Variants in CREB3L2 observed in about 807,000 individuals in gnomAD.
The protein encoded by CREB3L2 is cAMP responsive element binding protein 3 like 2, also known as cyclic AMP-responsive element-binding protein 3-like protein 2.
CREB3L2 carries 23 observed loss-of-function variants against 57.2 expected under a neutral mutation model. The ratio of observed to expected loss-of-function variants is 0.40; its 90% CI spans 0.29 to 0.57. CREB3L2 has a LOEUF of 0.57. CREB3L2 is among the 20% of genes least tolerant of loss of function. The probability of loss-of-function intolerance (pLI) is 0.42; values close to 1 mark genes in which losing one functional copy is unlikely to be tolerated. For synonymous variants in CREB3L2, 268 were observed against 265.1 expected (o/e 1.01, Z -0.11); for missense variants, 628 against 634.7 (o/e 0.99, Z 0.11).
chr7:137,892,347 TAA>T (rs779212071), intron 8 of CREB3L2, among the ~76,000 whole-genome samples: 6 of 133,342 alleles, frequency 4.5e-5, no homozygotes, highest in Non-Finnish European at 3.3e-5. Flanking sequence ...TGCACACAAT[TAA>T]AAAAAAAAAA....
At position 137,908,400 on chromosome 7, in the gene CREB3L2, G is replaced by A. The variant is rs1585613637; in HGVS notation, c.620C>T (p.Pro207Leu). The change falls in exon 5 of 12, where the codon CCG becomes CTG. Residue 207 changes from proline (P) to leucine (L), a missense_variant. Pro to Leu is a moderately conservative substitution (Grantham distance 98, BLOSUM62 -3). Coordinates refer to ENST00000330387, the MANE Select transcript of CREB3L2 (RefSeq NM_194071.4). ...CTCTGAGTCACTGCCGTGACTGCTC[G>A]GAGGGGTGGGCGGCAAATGCAGGTG... ...VDHLHLPPTP[P>L]SSHGSDSEGS... The A allele has an allele frequency of 6.3e-6, 8 of 1,266,240 alleles. No individual in the cohort carries two copies. The highest frequency in any genetic ancestry group is 1.5e-5 in the African/African-American group (1 of 64,580). 78.4% of individuals were successfully genotyped at this position (1,266,240 alleles called of 1,614,324 possible).
chr7:137,919,684 G>C (rs1185670722), intron 2 of CREB3L2, among the ~76,000 whole-genome samples: 1 of 152,082 alleles, frequency 6.6e-6, no homozygotes, highest in Non-Finnish European at 1.5e-5. Context: ...GCAAGAGAAA[G>C]GTTAAGTCAA....
intron 2 of CREB3L2, among the ~76,000 whole-genome samples, chr7:137,919,183 T>TG (rs1324638792): frequency 6.6e-6 from 1 of 151,976 alleles, no homozygotes; most frequent in Non-Finnish European, 1.5e-5. Context: ...ATCTTTTTTT[T>TG]TTTTTTTTGA....
intron 1 of CREB3L2, chr7:137,935,997 G>A (rs1311021897): frequency 1.1e-6 from 1 of 947,284 alleles, no homozygotes; most frequent in African/African-American, 1.8e-5. Context: ...AAGATCAGAG[G>A]TCACGAGGGT....
chr7:137,925,447 T>C (rs1319033045), intron 2 of CREB3L2, among the ~76,000 whole-genome samples: 2 of 152,218 alleles, frequency 1.3e-5, no homozygotes, highest in African/African-American at 4.8e-5. Flanking sequence ...ATTATCACCA[T>C]GCAGCAGATA....
intron 1 of CREB3L2, among the ~76,000 whole-genome samples, chr7:137,992,372 C>T (rs566535053): frequency 6.6e-6 from 1 of 152,136 alleles, no homozygotes; most frequent in Non-Finnish European, 1.5e-5. Flanking sequence ...CCAGGAATGA[C>T]CCATGAGCTC....
chr7:137,938,944 T>C (rs1800837446), intron 1 of CREB3L2, among the ~76,000 whole-genome samples: 1 of 152,170 alleles, frequency 6.6e-6, no homozygotes, highest in Non-Finnish European at 1.5e-5. Context: ...CACAAGTGGC[T>C]CCTGATAACA....
rs7799240 is a variant in CREB3L2, at chr7:138,001,155, G to C, written c.102+449C>G. 0.054 allele frequency among the ~76,000 whole-genome samples: 7,850 copies of C among 145,506 alleles called. 680 individuals carry two copies. The highest frequency in any genetic ancestry group is 0.19 in the African/African-American group (7,394 of 39,604). On this transcript the variant is annotated intron_variant, in intron 1 of 11. Coordinates refer to ENST00000330387, the MANE Select transcript of CREB3L2 (RefSeq NM_194071.4). This position sits in a 1 kb window ranked among gnomAD's most constrained non-coding sequence, Gnocchi z 4.2. The stretch of plus-strand genomic sequence containing the variant: ...TACTTTTTAAAATATAAATATGAAA[G>C]AAGAGGAAGGGAGGGAGAGAGGGAG...
chr7:137,948,708 A>T (rs1801043684), intron 1 of CREB3L2, among the ~76,000 whole-genome samples: 1 of 152,324 alleles, frequency 6.6e-6, no homozygotes, highest in South Asian at 2.1e-4. Context: ...CCACAGCATG[A>T]GTATTAGCAC....
chr7:137,993,135 A>G (rs951137870), intron 1 of CREB3L2, among the ~76,000 whole-genome samples: 7 of 152,240 alleles, frequency 4.6e-5, no homozygotes, highest in Admixed American at 1.3e-4. Context: ...GAATGATGTC[A>G]GACTCCTAAG....
chr7:137,878,826 C>T lies in CREB3L2; in HGVS notation c.*1650G>A, dbSNP rs963787631. The T allele has an allele frequency of 1.2e-4, 36 of 293,562 alleles. No individual in the cohort carries two copies. The highest frequency in any genetic ancestry group is 2.1e-4 in the Non-Finnish European group (32 of 155,374). The allele number at this position is 293,562 out of a possible 1,614,324, so 18.2% of individuals were successfully genotyped here. A position where few individuals can be genotyped will look rare whatever the true frequency, so the allele number is the denominator to read the frequency against. ...ACGACAAATGTTAATAACATCAAAT[C>T]CTGTACCTGATATGGAATGGAAGCC... On this transcript the variant is annotated 3_prime_UTR_variant, in exon 12 of 12. Coordinates refer to ENST00000330387, the MANE Select transcript of CREB3L2 (RefSeq NM_194071.4).
intron 1 of CREB3L2, among the ~76,000 whole-genome samples, chr7:137,984,460 C>T (rs1216820669): frequency 3.9e-5 from 6 of 152,240 alleles, no homozygotes; most frequent in African/African-American, 1.2e-4. Flanking sequence ...GTGAAGCAGT[C>T]ATCTTGTAGT....
rs560139789 is a variant in CREB3L2 at position 137,969,931 on chromosome 7, AAAAAG to A, written c.102+31668_102+31672del. ...CTCAGGTTTGAACTTTTTCAAAATA[AAAAAG>A]AAAAGAAATTATGAAATAGGCACAA... On this transcript the variant is annotated intron_variant, in intron 1 of 11. Transcript: ENST00000330387. Among the ~76,000 whole-genome samples, 464 of 152,352 alleles carry A rather than the reference AAAAAG, an allele frequency of 3.0e-3. 3 individuals carry two copies. The highest frequency in any genetic ancestry group is 5.0e-3 in the Non-Finnish European group (343 of 68,044).
At chr7:137,942,920 T>C (rs1183402743) in intron 1 of CREB3L2, among the ~76,000 whole-genome samples, 1 of 152,162 alleles carries the variant, frequency 6.6e-6, no homozygotes, top group East Asian at 1.9e-4. Context: ...TACACAAGGT[T>C]TGAATGCAAT....
chr7:137,992,778 G>A (rs1462751842), intron 1 of CREB3L2, among the ~76,000 whole-genome samples: 1 of 152,192 alleles, frequency 6.6e-6, no homozygotes, highest in African/African-American at 2.4e-5. Flanking sequence ...AAGCAAAAAC[G>A]AGTTATGAGA....
intron 8 of CREB3L2, among the ~76,000 whole-genome samples, chr7:137,900,557 G>A (rs892950450): frequency 6.6e-6 from 1 of 152,112 alleles, no homozygotes; most frequent in African/African-American, 2.4e-5. Context: ...CATTTTGGGA[G>A]GCCAAGGTGG....
intron 1 of CREB3L2, among the ~76,000 whole-genome samples, chr7:137,933,235 A>T (rs548918345): frequency 6.6e-6 from 1 of 152,230 alleles, no homozygotes; most frequent in Non-Finnish European, 1.5e-5. Flanking sequence ...CAAATGCAAG[A>T]GGTAAACCCA....
chr7:137,989,432 G>GTTTT lies in CREB3L2; in HGVS notation c.102+12168_102+12171dup, dbSNP rs33944427. 2.4e-4 allele frequency among the ~76,000 whole-genome samples: 25 copies of GTTTT among 106,004 alleles called. 1 individual carries two copies. The highest frequency in any genetic ancestry group is 3.4e-4 in the Non-Finnish European group (19 of 55,466). The allele number at this position is 106,004 out of a possible 152,430, so 69.5% of individuals were successfully genotyped here. A position where few individuals can be genotyped will look rare whatever the true frequency, so the allele number is the denominator to read the frequency against. ...ATGGAATTTTCCTGGCTTTTCTCCAGTTTTTTTTTTTTTTTTTTTGATGAT... is the reference window on the plus strand; with the variant it reads ...ATGGAATTTTCCTGGCTTTTCTCCAGTTTTTTTTTTTTTTTTTTTTTTTGATGAT... On this transcript the variant is annotated intron_variant, in intron 1 of 11. Coordinates refer to ENST00000330387, the MANE Select transcript of CREB3L2 (RefSeq NM_194071.4).
chr7:137,903,732 G>C (rs563810881), intron 7 of CREB3L2, among the ~76,000 whole-genome samples: 1 of 152,328 alleles, frequency 6.6e-6, no homozygotes, highest in Non-Finnish European at 1.5e-5. Context: ...TTGGCTGGCA[G>C]TGGTATGATT....
Sources: gnomAD v4.1 joint callset for allele counts (sites outside exome capture counted in the v4.1 genomes callset) on GRCh38, gnomAD v4.1.1 for gene constraint, Gnocchi (gnomAD v3.1) non-coding constraint, MANE v1.5 for transcripts, NCBI Gene and HGNC (gene_info 2026-07-23, HGNC 2026-07-21) for gene names.